The following TDRD3 variants were observed in gnomAD, a reference collection of about 807,000 sequenced individuals.
TDRD3 encodes tudor domain-containing protein 3.
Under a neutral mutation model 86.7 loss-of-function variants are expected in TDRD3, and 45 were observed. That is an observed-to-expected ratio of 0.52 (90% CI 0.41 to 0.67). TDRD3 has a LOEUF of 0.67. Ranked by LOEUF, TDRD3 falls within the 30% of genes least tolerant of loss-of-function variation. TDRD3 has a pLI of 0.00. For synonymous variants in TDRD3, 298 were observed against 301.7 expected (o/e 0.99, Z 0.13); for missense variants, 814 against 889.0 (o/e 0.92, Z 1.07).
intron 1 of TDRD3, among the ~76,000 whole-genome samples, chr13:60,402,405 A>G (rs190451661): frequency 7.2e-4 from 110 of 152,344 alleles, no homozygotes; most frequent in African/African-American, 2.5e-3. Flanking sequence ...GCATATAATA[A>G]GAGGGTATTA....
Position 60,528,893 on chromosome 13 carries a change from T to C in TDRD3, c.1668T>C (p.Asn556=), listed in dbSNP as rs745597303. The change falls in exon 11 of 14, where the codon AAT becomes AAC. Residue 556 remains asparagine (N), a synonymous_variant. Transcript: ENST00000377881. ...FYDRKSQTIN[N]EAFSGIKIEK... ...ACAGGAAATCACAAACAATAAATAA[T>C]GAAGCTTTCAGTGGTATAAAAATTG... 2.5e-6 allele frequency: 4 copies of C among 1,612,440 alleles called. No homozygotes were observed. The South Asian group carries it at 4.4e-5, about 18-fold the overall frequency.
chr13:60,397,600 AGGCGGC>A (rs1345283491), intron 1 of TDRD3, among the ~76,000 whole-genome samples, 195 bp downstream of exon 1: 1 of 147,508 alleles, frequency 6.8e-6, no homozygotes, highest in Non-Finnish European at 1.5e-5. Context: ...GGTCCCCTGG[AGGCGGC>A]GGCGGCGGCG....
rs1274422835 is a variant in TDRD3, at chr13:60,494,301, A to G, written c.718-134A>G. 3.1e-6 allele frequency: 3 copies of G among 974,368 alleles called. No individual in the cohort carries two copies. In the Admixed American group the frequency reaches 9.7e-5, roughly 31 times the overall value. 60.4% of individuals were successfully genotyped at this position (974,368 alleles called of 1,614,324 possible). ...TTTTGCTATTCAAAAGGAGTAAGTTAATATTTTATTTTTTCATGTAAAACA... is the reference window on the plus strand; with the variant it reads ...TTTTGCTATTCAAAAGGAGTAAGTTGATATTTTATTTTTTCATGTAAAACA... On this transcript the variant is annotated intron_variant, in intron 7 of 13. Transcript: ENST00000377881.
intron 6 of TDRD3, among the ~76,000 whole-genome samples, chr13:60,485,364 C>G (rs373649104): frequency 6.6e-6 from 1 of 151,796 alleles, no homozygotes; most frequent in African/African-American, 2.4e-5. Flanking sequence ...GCAGAGACAT[C>G]TTTTTATATG....
At chr13:60,426,285 GGC>G (rs1185784581) in intron 1 of TDRD3, among the ~76,000 whole-genome samples, 1 of 152,110 alleles carries the variant, frequency 6.6e-6, no homozygotes, top group African/African-American at 2.4e-5. Flanking sequence ...CAGTGGGGAG[GGC>G]AGAGGAAATG....
At chr13:60,397,953 GTGAATC>G (rs1342160944) in intron 1 of TDRD3, among the ~76,000 whole-genome samples, 7 of 152,226 alleles carry the variant, frequency 4.6e-5, no homozygotes, top group African/African-American at 1.4e-4. Context: ...GTGGACCAGT[GTGAATC>G]TGCCTTCCGC....
intron 8 of TDRD3, among the ~76,000 whole-genome samples, chr13:60,496,751 T>G (rs1388251696): frequency 6.6e-6 from 1 of 152,134 alleles, no homozygotes; most frequent in Non-Finnish European, 1.5e-5. Flanking sequence ...ATCTCCTGGC[T>G]TCAGAAGCAG....
intron 8 of TDRD3, among the ~76,000 whole-genome samples, chr13:60,508,207 A>C (rs560842878): frequency 3.3e-5 from 5 of 152,246 alleles, no homozygotes; most frequent in Admixed American, 6.5e-5. Flanking sequence ...AGTAATGTAT[A>C]GATTCAGTGC....
intron 4 of TDRD3, among the ~76,000 whole-genome samples, chr13:60,465,296 TACAATGACTGTCAGAGTTATGAAAA>T (rs1367020486): frequency 6.6e-6 from 1 of 152,150 alleles, no homozygotes; most frequent in African/African-American, 2.4e-5. Context: ...TTTATCCTTG[TACAATGACTGTCAGAGTTATGAAAA>T]TCTGAATTTG....
intron 8 of TDRD3, among the ~76,000 whole-genome samples, chr13:60,502,871 T>A (rs1024762359): frequency 3.9e-5 from 6 of 152,196 alleles, no homozygotes. Flanking sequence ...TTTTTCTAAT[T>A]GTGTCCTGTT....
chr13:60,508,942 A>G (rs1956995231), intron 8 of TDRD3, among the ~76,000 whole-genome samples: 1 of 152,170 alleles, frequency 6.6e-6, no homozygotes, highest in South Asian at 2.1e-4. Context: ...ACCACACCTC[A>G]AATAGCCCAT....
intron 12 of TDRD3, among the ~76,000 whole-genome samples, chr13:60,565,342 A>C (rs1206712476): frequency 1.3e-5 from 2 of 152,058 alleles, no homozygotes; most frequent in African/African-American, 4.8e-5. Context: ...GGCGTGAGCC[A>C]CCGCGCCCGG....
In TDRD3 at chr13:60,529,193, T is replaced by A; in HGVS notation, c.1968T>A (p.Phe656Leu). The change falls in exon 11 of 14, where the codon TTT becomes TTA. Residue 656 changes from phenylalanine (F) to leucine (L), a missense_variant. Phe to Leu is a conservative substitution (Grantham distance 22). Transcript: ENST00000377881. ...TGTGGAAACCTGGAGATGAATGTTT[T>A]GCACTTTATTGGGAAGACAACAAGG... ...AKMWKPGDEC[F>L]ALYWEDNKFY... is the part of the protein sequence containing the mutation. 6.2e-7 allele frequency: 1 copy of A among 1,603,218 alleles called. No homozygotes were observed. Among genetic ancestry groups the A allele is most frequent in the Non-Finnish European group, 8.5e-7 (1 of 1,175,606 alleles).
chr13:60,556,616 A>T (rs1595115208), intron 12 of TDRD3, among the ~76,000 whole-genome samples: 1 of 152,340 alleles, frequency 6.6e-6, no homozygotes, highest in African/African-American at 2.4e-5. Flanking sequence ...TTAAAGCAAG[A>T]TTAGATATCA....
chr13:60,460,386 G>A lies in TDRD3; in HGVS notation c.199G>A (p.Gly67Ser). ...TTCTTTTCTGTTTTGACAGCTCGAA[G>A]GTCCATGTGTTTTGCAAATTCAAAA... ...INSGKVEKLEGPCVLQIQKIR... is the reference protein window; with the variant it reads ...INSGKVEKLESPCVLQIQKIR... The change falls in exon 4 of 14, where the codon GGT becomes AGT. Residue 67 changes from glycine to serine, a missense_variant. Coordinates refer to ENST00000377881, the MANE Select transcript of TDRD3 (RefSeq NM_001146070.2). 1 of 1,599,652 alleles carries A rather than the reference G, an allele frequency of 6.3e-7. No individual in the cohort carries two copies. The highest frequency in any genetic ancestry group is 8.5e-7 in the Non-Finnish European group (1 of 1,176,068).
chr13:60,462,641 T>G (rs1278808521), intron 4 of TDRD3, among the ~76,000 whole-genome samples: 1 of 152,200 alleles, frequency 6.6e-6, no homozygotes, highest in Non-Finnish European at 1.5e-5. Flanking sequence ...TACTTTTCTG[T>G]CCTACCTCCT....
intron 13 of TDRD3, among the ~76,000 whole-genome samples, chr13:60,570,240 A>T (rs1958556557): frequency 6.6e-6 from 1 of 152,234 alleles, no homozygotes; most frequent in Non-Finnish European, 1.5e-5. Context: ...GATTTTTTAA[A>T]TGGGCAAAAG....
At chr13:60,442,826 T>C (rs540191228) in intron 2 of TDRD3, among the ~76,000 whole-genome samples, 1 of 152,128 alleles carries the variant, frequency 6.6e-6, no homozygotes, top group East Asian at 1.9e-4. Context: ...GACAGTGTCC[T>C]AGATCATATG....
chr13:60,429,413 C>A (rs965040346), intron 1 of TDRD3, among the ~76,000 whole-genome samples: 1 of 152,018 alleles, frequency 6.6e-6, no homozygotes, highest in African/African-American at 2.4e-5. Flanking sequence ...TGTAAAATGG[C>A]TAATTTTTCT....
Sources: allele counts gnomAD v4.1 joint callset (sites outside exome capture counted in the v4.1 genomes callset), GRCh38; gene constraint gnomAD v4.1.1; transcripts MANE v1.5; gene names NCBI Gene and HGNC (gene_info 2026-07-23, HGNC 2026-07-21).